The following TENM2 variants were observed in gnomAD, a reference collection of about 807,000 sequenced individuals.
The protein encoded by TENM2 is teneurin transmembrane protein 2.
Under a neutral mutation model 245.2 loss-of-function variants are expected in TENM2, and 52 were observed. The ratio of observed to expected loss-of-function variants is 0.21; its 90% CI spans 0.17 to 0.27. TENM2 has a LOEUF of 0.27. Ranked by LOEUF, TENM2 falls within the 10% of genes least tolerant of loss-of-function variation. The probability of loss-of-function intolerance (pLI) is 1.00; values close to 1 mark genes in which losing one functional copy is unlikely to be tolerated. For missense variants in TENM2, 3,046 were observed against 3,666.8 expected (o/e 0.83, Z 4.37); for synonymous variants, 1,363 against 1,438.9 (o/e 0.95, Z 1.19).
intron 2 of TENM2, among the ~76,000 whole-genome samples, chr5:167,470,020 G>A (rs920134377): frequency 5.9e-5 from 9 of 151,634 alleles, no homozygotes; most frequent in African/African-American, 2.2e-4. Flanking sequence ...TTCTCTTTAC[G>A]AGTTGAATAA....
At chr5:167,631,819 C>T (rs1778895103) in intron 2 of TENM2, among the ~76,000 whole-genome samples, 2 of 152,266 alleles carry the variant, frequency 1.3e-5, no homozygotes, top group South Asian at 4.2e-4. Flanking sequence ...GGACACCTGC[C>T]ACACACTCTC....
intron 2 of TENM2, among the ~76,000 whole-genome samples, chr5:167,548,828 C>T (rs1772743224): frequency 6.6e-6 from 1 of 152,104 alleles, no homozygotes; most frequent in Non-Finnish European, 1.5e-5. Context: ...AATCTGTGTG[C>T]ATTGGGTGGG....
chr5:167,163,582 C>G, the TENM2 span, among the ~76,000 whole-genome samples: 1 of 152,074 alleles, frequency 6.6e-6, no homozygotes, highest in African/African-American at 2.4e-5. Context: ...ATCCTTTACA[C>G]GCTGCTTTGC....
rs1795826027 is a variant in TENM2 at position 168,126,049 on chromosome 5, T to C, written c.2210-705T>C. On this transcript the variant is annotated intron_variant, in intron 11 of 28. Transcript: ENST00000518659. ...CACGTGCTTGTCCTCGCGTGAGAGGTCTGGAATACCAGAGAGTGCATATCT... is the reference window on the plus strand; with the variant it reads ...CACGTGCTTGTCCTCGCGTGAGAGGCCTGGAATACCAGAGAGTGCATATCT... Among the ~76,000 whole-genome samples the C allele has an allele frequency of 2.0e-5, 3 of 152,218 alleles. No individual in the cohort carries two copies. The Middle Eastern group carries it at 0.01, about 518-fold the overall frequency.
chr5:167,024,642 C>T, the TENM2 span, among the ~76,000 whole-genome samples: 1 of 152,110 alleles, frequency 6.6e-6, no homozygotes, highest in African/African-American at 2.4e-5. Context: ...GCAGAAACAA[C>T]AGCAAGTAAG....
At chr5:167,495,778 A>G (rs1410147406) in intron 2 of TENM2, among the ~76,000 whole-genome samples, 1 of 152,088 alleles carries the variant, frequency 6.6e-6, no homozygotes, top group Admixed American at 6.6e-5. Flanking sequence ...AAAGACTTTA[A>G]TCTGAACAGT....
At chr5:167,577,219 A>G (rs970671323) in intron 2 of TENM2, among the ~76,000 whole-genome samples, 2 of 152,224 alleles carry the variant, frequency 1.3e-5, no homozygotes, top group African/African-American at 2.4e-5. Flanking sequence ...ACTGATTTCA[A>G]TAGTGAAAGG....
At chr5:167,139,434 A>G in the TENM2 span, among the ~76,000 whole-genome samples, 2 of 152,242 alleles carry the variant, frequency 1.3e-5, no homozygotes, top group Non-Finnish European at 2.9e-5. Context: ...TATGACACAT[A>G]GATTCATATT....
intron 5 of TENM2, among the ~76,000 whole-genome samples, chr5:168,005,791 A>G (rs913808466): frequency 5.9e-5 from 9 of 152,350 alleles, no homozygotes; most frequent in East Asian, 1.9e-4. Flanking sequence ...TGTCATTCAT[A>G]TGATAGGCCA....
At chr5:168,181,897 G>A (rs529426243) in intron 13 of TENM2, among the ~76,000 whole-genome samples, 93 of 151,960 alleles carry the variant, frequency 6.1e-4, no homozygotes, top group Middle Eastern at 3.4e-3. Flanking sequence ...GGCTGGTCTC[G>A]AACTCCTGAC....
the TENM2 span, among the ~76,000 whole-genome samples, chr5:167,265,119 A>G: frequency 6.6e-6 from 1 of 151,840 alleles, no homozygotes. Flanking sequence ...TGACGTCAGG[A>G]GTTCAAGACC....
At chr5:167,062,463 T>A in the TENM2 span, among the ~76,000 whole-genome samples, 1 of 149,210 alleles carries the variant, frequency 6.7e-6, no homozygotes, top group Admixed American at 6.6e-5. Context: ...GGATTTTAAA[T>A]GAAAAATTCA....
intron 2 of TENM2, among the ~76,000 whole-genome samples, chr5:167,755,823 T>A (rs1404368277): frequency 6.6e-6 from 1 of 152,186 alleles, no homozygotes; most frequent in East Asian, 1.9e-4. Flanking sequence ...ACTCCTGGTG[T>A]CTTCTGCTGC....
At chr5:167,126,260 T>C in the TENM2 span, among the ~76,000 whole-genome samples, 4 of 152,122 alleles carry the variant, frequency 2.6e-5, no homozygotes, top group Non-Finnish European at 5.9e-5. Context: ...TATGAATAGA[T>C]GATTGGGCAT....
chr5:167,228,707 A>ATT, the TENM2 span, among the ~76,000 whole-genome samples: 1,899 of 148,768 alleles, frequency 0.013, 51 homozygotes, highest in African/African-American at 0.044. Context: ...ACTTCTTCCA[A>ATT]TTTTTTTTTA....
chr5:167,837,760 T>A (rs1222764798), intron 2 of TENM2, among the ~76,000 whole-genome samples: 1 of 151,938 alleles, frequency 6.6e-6, no homozygotes. Flanking sequence ...AACAATAGAC[T>A]CCAACCACAC....
intron 2 of TENM2, among the ~76,000 whole-genome samples, chr5:167,630,006 A>G (rs1778759782): frequency 6.6e-6 from 1 of 152,160 alleles, no homozygotes; most frequent in South Asian, 2.1e-4. Flanking sequence ...ATACGTTTCA[A>G]GACTTCCAGT....
At chr5:167,408,501 G>C (rs1351102257) in intron 2 of TENM2, among the ~76,000 whole-genome samples, 2 of 151,912 alleles carry the variant, frequency 1.3e-5, no homozygotes, top group Non-Finnish European at 2.9e-5. Flanking sequence ...TTTTATTCTT[G>C]ACATGTTACT....
chr5:167,000,662 A>C, the TENM2 span, among the ~76,000 whole-genome samples: 1 of 152,154 alleles, frequency 6.6e-6, no homozygotes, highest in African/African-American at 2.4e-5. Context: ...AATGGAGAAA[A>C]TAGATTGGAA....
Sources: gnomAD v4.1 joint callset for allele counts (sites outside exome capture counted in the v4.1 genomes callset) on GRCh38, gnomAD v4.1.1 for gene constraint, MANE v1.5 for transcripts, NCBI Gene and HGNC (gene_info 2026-07-23, HGNC 2026-07-21) for gene names.